LAMA4: variants seen among roughly 807,000 people sequenced by gnomAD.
The protein encoded by LAMA4 is laminin subunit alpha 4, also known as laminin subunit alpha-4.
A neutral mutation model predicts 207.1 loss-of-function variants in LAMA4; 127 were observed. That is an observed-to-expected ratio of 0.61 (90% CI 0.53 to 0.71). LAMA4 has a LOEUF of 0.71. LAMA4 is among the 30% of genes least tolerant of loss of function. The probability of loss-of-function intolerance (pLI) is 0.00; values close to 1 mark genes in which losing one functional copy is unlikely to be tolerated. For missense variants in LAMA4, 2,093 were observed against 2,246.5 expected (o/e 0.93, Z 1.38); for synonymous variants, 761 against 816.0 (o/e 0.93, Z 1.15).
intron 16 of LAMA4, among the ~76,000 whole-genome samples, chr6:112,154,599 AG>A (rs1374023114): frequency 6.6e-6 from 1 of 152,194 alleles, no homozygotes; most frequent in Non-Finnish European, 1.5e-5. Flanking sequence ...TTTGATTAGC[AG>A]GAATAGCCAC....
At chr6:112,226,430 G>A (rs894974323) in intron 2 of LAMA4, among the ~76,000 whole-genome samples, 9 of 151,936 alleles carry the variant, frequency 5.9e-5, no homozygotes, top group African/African-American at 1.9e-4. Context: ...TATTACATAC[G>A]CTACAGAGGC....
chr6:112,201,551 G>T, intron 5 of LAMA4, 57 bp downstream of exon 5: 1 of 1,381,422 alleles, frequency 7.2e-7, no homozygotes, highest in Non-Finnish European at 1.0e-6. Flanking sequence ...TGTTGAGTGT[G>T]AGAAACAGAA....
At chr6:112,206,548 T>C (rs782164296) in intron 4 of LAMA4, among the ~76,000 whole-genome samples, 2 of 152,208 alleles carry the variant, frequency 1.3e-5, no homozygotes. Flanking sequence ...GTAAATCTTC[T>C]GTGAGCTGAT....
At chr6:112,163,282 A>G (rs530002063) in intron 13 of LAMA4, among the ~76,000 whole-genome samples, 232 of 152,024 alleles carry the variant, frequency 1.5e-3, no homozygotes, top group Non-Finnish European at 2.6e-3. Context: ...CACCAAACCA[A>G]AGCCTGTTGA....
intron 2 of LAMA4, among the ~76,000 whole-genome samples, chr6:112,224,635 G>T (rs1352955119): frequency 6.6e-6 from 1 of 151,942 alleles, no homozygotes; most frequent in Non-Finnish European, 1.5e-5. Flanking sequence ...GGCCAACATG[G>T]TGAAACCCCA....
At chr6:112,237,631 T>C (rs1299286672) in intron 2 of LAMA4, among the ~76,000 whole-genome samples, 3 of 152,216 alleles carry the variant, frequency 2.0e-5, no homozygotes, top group East Asian at 1.9e-4. Context: ...GTAGGTTTTA[T>C]GTTGAAAGGT....
intron 6 of LAMA4, among the ~76,000 whole-genome samples, chr6:112,190,935 CTTTCT>C (rs1554348658): frequency 3.4e-5 from 2 of 59,304 alleles, no homozygotes; most frequent in Non-Finnish European, 6.4e-5. Flanking sequence ...TTCTTTCTTT[CTTTCT>C]TTCTTTCCTT....
chr6:112,130,364 T>C (rs1554329355), intron 29 of LAMA4, among the ~76,000 whole-genome samples: 1 of 150,798 alleles, frequency 6.6e-6, no homozygotes. Context: ...CTTATGATGA[T>C]CACTTAATCA....
chr6:112,215,470 G>A (rs1297050011), intron 3 of LAMA4, among the ~76,000 whole-genome samples: 1 of 152,150 alleles, frequency 6.6e-6, no homozygotes, highest in South Asian at 2.1e-4. Context: ...AATGTTGAGT[G>A]CATTTAAATA....
Position 112,119,200 on chromosome 6 carries a change from A to C in LAMA4, c.4777T>G (p.Tyr1593Asp). Residue 1593 changes from tyrosine (Y) to aspartate (D), a missense_variant, in exon 34 of 39, where the codon TAT (tyrosine) becomes GAT (aspartate). Transcript: ENST00000230538. Reference protein sequence around the residue: ...EATWKIKGPIYLGGVAPGKAV... With the variant: ...EATWKIKGPIDLGGVAPGKAV... The stretch of plus-strand genomic sequence containing the variant: ...TTTCCAGGAGCCACACCTCCCAAAT[A>C]AATGGGACCCTTGATTTTCCAGGTA... 1.2e-6 allele frequency: 2 copies of C among 1,614,040 alleles called. No homozygotes were observed. The highest frequency in any genetic ancestry group is 1.7e-6 in the Non-Finnish European group (2 of 1,179,942).
At chr6:112,168,464 G>A (rs1781524099) in intron 12 of LAMA4, among the ~76,000 whole-genome samples, 1 of 149,792 alleles carries the variant, frequency 6.7e-6, no homozygotes, top group African/African-American at 2.4e-5. Context: ...TCCTGTCTCA[G>A]CCTCCCAAGT....
chr6:112,124,913 T>G (rs2032564), intron 31 of LAMA4, among the ~76,000 whole-genome samples: 19,454 of 152,094 alleles, frequency 0.13, 1,550 homozygotes, highest in Admixed American at 0.22. Flanking sequence ...TGCGCCACCA[T>G]GCCCAGCCAA....
intron 9 of LAMA4, chr6:112,180,022 C>A (rs1583812917): frequency 2.2e-6 from 1 of 445,458 alleles, no homozygotes; most frequent in Non-Finnish European, 4.6e-6. Flanking sequence ...CTTAATATTA[C>A]TCCTCCCTGC....
At chr6:112,241,201 G>GA (rs72221670) in intron 2 of LAMA4, among the ~76,000 whole-genome samples, 21 of 59,370 alleles carry the variant, frequency 3.5e-4, no homozygotes, top group South Asian at 1.3e-3. Context: ...GAATATATAT[G>GA]ATATATATGA....
chr6:112,201,784 A>C lies in LAMA4; in HGVS notation c.423-96T>G, dbSNP rs1231030462. ...GATTACCTCTATGTTGGTCCCATTA[A>C]AGTTCTAATGGGTGCAATCATTTTC... On this transcript the variant is annotated intron_variant, in intron 4 of 38. Transcript: ENST00000230538. The C allele has an allele frequency of 7.1e-6, 7 of 984,846 alleles. No individual in the cohort carries two copies. In the Admixed American group the frequency reaches 1.2e-4, roughly 17 times the overall value. 61.0% of individuals were successfully genotyped at this position (984,846 alleles called of 1,614,324 possible).
intron 5 of LAMA4, 49 bp downstream of exon 5, chr6:112,201,557 CAG>C: frequency 6.9e-7 from 1 of 1,446,534 alleles, no homozygotes; most frequent in East Asian, 2.3e-5. Context: ...GTGTGAGAAA[CAG>C]AAAGCTTCCT....
chr6:112,136,061 A>T, intron 25 of LAMA4, 62 bp downstream of exon 25: 1 of 1,470,712 alleles, frequency 6.8e-7, no homozygotes, highest in Non-Finnish European at 9.4e-7. Context: ...CTGCCTGATT[A>T]GATCAACAGA....
intron 19 of LAMA4, among the ~76,000 whole-genome samples, chr6:112,143,469 AGACAGGGT>A (rs1199736554): frequency 2.0e-5 from 3 of 152,076 alleles, no homozygotes; most frequent in African/African-American, 7.2e-5. Flanking sequence ...ATTTTGGTAG[AGACAGGGT>A]TTTGCCATGT....
At position 112,155,568 on chromosome 6, in the gene LAMA4, A is replaced by G; in HGVS notation, c.1956T>C (p.Tyr652=). 2 of 1,614,184 alleles carry G rather than the reference A, an allele frequency of 1.2e-6. No individual in the cohort carries two copies. Among genetic ancestry groups the G allele is most frequent in the Non-Finnish European group, 1.7e-6 (2 of 1,180,010 alleles). Residue 652 remains tyrosine (Y), a synonymous_variant, in exon 15 of 39, where the codon TAT becomes TAC. Coordinates refer to ENST00000230538, the MANE Select transcript of LAMA4 (RefSeq NM_001105206.3). The part of the protein sequence containing the change: ...EFALNTTDRI[Y]DAVSGIDTQI... ...AGAACTTTCAGGGAATACTCACATC[A>G]TAAATTCGGTCAGTGGTGTTCAAAG...
Sources: gnomAD v4.1 joint callset for allele counts (sites outside exome capture counted in the v4.1 genomes callset) on GRCh38, gnomAD v4.1.1 for gene constraint, MANE v1.5 for transcripts, NCBI Gene and HGNC (gene_info 2026-07-23, HGNC 2026-07-21) for gene names.